Variants in SH3PXD2A observed in about 807,000 individuals in gnomAD.
SH3PXD2A encodes the protein SH3 and PX domains 2A, also known as SH3 and PX domain-containing protein 2A.
SH3PXD2A carries 32 observed loss-of-function variants against 115.2 expected under a neutral mutation model. That is an observed-to-expected ratio of 0.28 (90% confidence interval 0.21 to 0.37). The LOEUF is 0.37. Ranked by LOEUF, SH3PXD2A falls within the 10% of genes least tolerant of loss-of-function variation. SH3PXD2A has a pLI of 1.00. For missense variants in SH3PXD2A, 1,328 were observed against 1,498.7 expected, an observed-to-expected ratio of 0.89 and a Z score of 1.88; for synonymous variants, 610 against 629.1, an observed-to-expected ratio of 0.97 and a Z score of 0.45.
intron 3 of SH3PXD2A, among the ~76,000 whole-genome samples, chr10:103,744,660 G>A (rs1006884052): frequency 2.2e-4 from 34 of 152,158 alleles, no homozygotes; most frequent in African/African-American, 7.7e-4. Context: ...GCAACATCTG[G>A]CTTTGTTGCC....
intron 2 of SH3PXD2A, among the ~76,000 whole-genome samples, chr10:103,774,272 G>A (rs971413137): frequency 8.5e-5 from 13 of 152,120 alleles, no homozygotes; most frequent in African/African-American, 1.7e-4. Flanking sequence ...TCTGTTATAC[G>A]GATTGGATCA....
rs1408357595 is a variant in SH3PXD2A, at chr10:103,808,176, C to T, written c.73-6814G>A. ...CCTACATCAAACGCCGGCCCAGAGC[C>T]CCATCTCCTCCCTGCTGTGGCCCAC... On this transcript the variant is annotated intron_variant, in intron 1 of 14. Coordinates refer to ENST00000369774, the MANE Select transcript of SH3PXD2A (RefSeq NM_001394015.1). Among the ~76,000 whole-genome samples the T allele has an allele frequency of 2.0e-5, 3 of 152,128 alleles. 1 individual carries two copies. The highest frequency in any genetic ancestry group is 1.3e-4 in the Admixed American group (2 of 15,284).
intron 1 of SH3PXD2A, among the ~76,000 whole-genome samples, chr10:103,812,771 T>A (rs2039283383): frequency 6.6e-6 from 1 of 152,230 alleles, no homozygotes; most frequent in Non-Finnish European, 1.5e-5. Context: ...TCTGCTGTGC[T>A]CAGCAAAGCT....
chr10:103,823,515 G>A (rs1164677986), intron 1 of SH3PXD2A, among the ~76,000 whole-genome samples: 1 of 152,226 alleles, frequency 6.6e-6, no homozygotes, highest in Non-Finnish European at 1.5e-5. Flanking sequence ...CCATGTGCTA[G>A]GCTCTGCACT....
At chr10:103,748,368 T>C (rs2038532769) in intron 3 of SH3PXD2A, among the ~76,000 whole-genome samples, 1 of 152,198 alleles carries the variant, frequency 6.6e-6, no homozygotes, top group African/African-American at 2.4e-5. Flanking sequence ...TCTTCCTTCC[T>C]TTCCCTGAGC....
chr10:103,812,967 ATG>A (rs1011210562), intron 1 of SH3PXD2A, among the ~76,000 whole-genome samples: 3 of 152,114 alleles, frequency 2.0e-5, no homozygotes, highest in Non-Finnish European at 2.9e-5. Flanking sequence ...GTGTGTATAT[ATG>A]TGTGTGTGTA....
chr10:103,742,661 T>C (rs1463573542), intron 3 of SH3PXD2A, among the ~76,000 whole-genome samples: 1 of 152,222 alleles, frequency 6.6e-6, no homozygotes, highest in East Asian at 1.9e-4. Flanking sequence ...GGGTGGTTTC[T>C]ATACTCCCTG....
intron 5 of SH3PXD2A, among the ~76,000 whole-genome samples, chr10:103,720,410 G>A (rs537079128): frequency 6.6e-6 from 1 of 152,334 alleles, no homozygotes; most frequent in African/African-American, 2.4e-5. Context: ...AAGCCAGCGA[G>A]TGGCCTGGGA....
At chr10:103,726,850 G>A (rs114805243) in intron 4 of SH3PXD2A, among the ~76,000 whole-genome samples, 3 of 152,172 alleles carry the variant, frequency 2.0e-5, no homozygotes, top group African/African-American at 7.2e-5. Context: ...GATGAGGTAA[G>A]ACCAGACCAT....
intron 1 of SH3PXD2A, among the ~76,000 whole-genome samples, chr10:103,827,806 G>A (rs1363696963): frequency 6.6e-6 from 1 of 152,198 alleles, no homozygotes; most frequent in Non-Finnish European, 1.5e-5. Context: ...TGAAGTCATG[G>A]GGCCTAGATT....
In SH3PXD2A at chr10:103,746,319, T is replaced by TTTTATTTA. The variant is rs145493004; in HGVS notation, c.230-10519_230-10512dup. 1.6e-4 allele frequency among the ~76,000 whole-genome samples: 25 copies of TTTTATTTA among 152,182 alleles called. No individual in the cohort carries two copies. Among genetic ancestry groups the TTTTATTTA allele is most frequent in the African/African-American group, 5.5e-4 (23 of 41,514 alleles). Reference sequence around the variant, plus strand: ...CCAGAACCATTTCTTTCTTTTTTATTTTTATTTATTTATTTATTGAGACAG... The same window carrying TTTTATTTA: ...CCAGAACCATTTCTTTCTTTTTTATTTTTATTTATTTATTTATTTATTTATTGAGACAG... On this transcript the variant is annotated intron_variant, in intron 3 of 14. Transcript: ENST00000369774. This position sits in a 1 kb window ranked among gnomAD's most constrained non-coding sequence, Gnocchi z 4.4.
intron 3 of SH3PXD2A, among the ~76,000 whole-genome samples, chr10:103,760,235 G>A (rs1023056563): frequency 2.0e-5 from 3 of 152,110 alleles, no homozygotes; most frequent in African/African-American, 7.2e-5. Context: ...TCACACCTAC[G>A]GAACTTGGAG....
At chr10:103,823,946 C>T (rs1009439795) in intron 1 of SH3PXD2A, among the ~76,000 whole-genome samples, 30 of 152,218 alleles carry the variant, frequency 2.0e-4, no homozygotes, top group African/African-American at 6.3e-4. Context: ...AAAGAGACAT[C>T]TCAGCACCCA....
chr10:103,638,423 G>A (rs2036899322), intron 8 of SH3PXD2A, among the ~76,000 whole-genome samples: 1 of 152,260 alleles, frequency 6.6e-6, no homozygotes, highest in South Asian at 2.1e-4. Flanking sequence ...AGCCCACAGG[G>A]CTCTGGTGTG....
In SH3PXD2A at chr10:103,602,249, T is replaced by C; in HGVS notation, c.2969A>G (p.Asp990Gly). The change falls in exon 15 of 15, where the codon GAC (aspartate) becomes GGC (glycine). Residue 990 changes from aspartate (D) to glycine (G), a missense_variant. By Grantham distance (94) the Asp-to-Gly change is moderately conservative. Around this residue, in one of 5 missense-constraint regions of SH3PXD2A, gnomAD observed 574 missense variants for 565.7 expected, o/e 1.01. Transcript: ENST00000369774. ...CCGCAGGGCGCAGGACAGGTTGTTGTCCTTGGGTGGCGGGGACACAAACAC... is the reference window on the plus strand; with the variant it reads ...CCGCAGGGCGCAGGACAGGTTGTTGCCCTTGGGTGGCGGGGACACAAACAC... ...QSVFVSPPPK[D>G]NNLSCALRRN... The C allele has an allele frequency of 6.2e-7, 1 of 1,611,108 alleles. No individual in the cohort carries two copies. Among genetic ancestry groups the C allele is most frequent in the Non-Finnish European group, 8.5e-7 (1 of 1,178,726 alleles).
chr10:103,827,771 G>A (rs2039445112), intron 1 of SH3PXD2A, among the ~76,000 whole-genome samples: 1 of 152,210 alleles, frequency 6.6e-6, no homozygotes, highest in African/African-American at 2.4e-5. Context: ...TGCCATCTCT[G>A]CATAGTCCTC....
At chr10:103,682,480 G>A (rs909561345) in intron 6 of SH3PXD2A, among the ~76,000 whole-genome samples, 1 of 152,196 alleles carries the variant, frequency 6.6e-6, no homozygotes, top group Non-Finnish European at 1.5e-5. Flanking sequence ...CCCAGAGGCT[G>A]GCTGCGGTGG....
At chr10:103,725,224 C>T (rs1446010659) in intron 4 of SH3PXD2A, among the ~76,000 whole-genome samples, 1 of 152,146 alleles carries the variant, frequency 6.6e-6, no homozygotes, top group African/African-American at 2.4e-5. Flanking sequence ...AAGGCCAGTG[C>T]GGCCTGAGGA....
At chr10:103,727,064 G>A (rs1693665794) in intron 4 of SH3PXD2A, among the ~76,000 whole-genome samples, 1 of 152,226 alleles carries the variant, frequency 6.6e-6, no homozygotes, top group African/African-American at 2.4e-5. Flanking sequence ...GCTTTGCAGT[G>A]TGTGCTGCAT....
Sources: gnomAD v4.1 joint callset for allele counts (sites outside exome capture counted in the v4.1 genomes callset) on GRCh38, gnomAD v4.1.1 for gene constraint, gnomAD v4.1.1 regional missense constraint, Gnocchi (gnomAD v3.1) non-coding constraint, MANE v1.5 for transcripts, NCBI Gene and HGNC (gene_info 2026-07-23, HGNC 2026-07-21) for gene names.